The following FAM78B variants were observed in gnomAD, a reference collection of about 807,000 sequenced individuals.
The protein encoded by FAM78B is family with sequence similarity 78 member B, also known as protein FAM78B.
In FAM78B, 10 loss-of-function variants were observed where a neutral mutation model predicts 20.0. The observed-to-expected ratio is 0.50, with a 90% CI of 0.31 to 0.85. The LOEUF is 0.85. Among genes scored for constraint, FAM78B ranks in the 40% least tolerant of loss-of-function variants. The pLI, the probability that FAM78B is intolerant of heterozygous loss-of-function variation, is 0.05. For missense variants in FAM78B, 283 were observed against 345.0 expected, an observed-to-expected ratio of 0.82 and a Z score of 1.42; for synonymous variants, 135 against 132.8, an observed-to-expected ratio of 1.02 and a Z score of -0.12.
At chr1:166,129,164 A>G (rs963527854) in intron 1 of FAM78B, among the ~76,000 whole-genome samples, 1 of 152,190 alleles carries the variant, frequency 6.6e-6, no homozygotes, top group East Asian at 1.9e-4. Flanking sequence ...CAGTGCCCAG[A>G]GCCCCTGCTG....
chr1:166,121,017 T>A (rs1654448751), intron 1 of FAM78B, among the ~76,000 whole-genome samples: 1 of 152,238 alleles, frequency 6.6e-6, no homozygotes, highest in East Asian at 1.9e-4. Flanking sequence ...TTTCTTGATC[T>A]CATTCTTTAC....
At chr1:166,152,687 T>G (rs1482808911) in intron 1 of FAM78B, among the ~76,000 whole-genome samples, 2 of 149,686 alleles carry the variant, frequency 1.3e-5, no homozygotes, top group African/African-American at 5.0e-5. Flanking sequence ...TTTATTTATT[T>G]ATTTATTTAT....
chr1:166,076,365 C>T (rs1396385131), intron 1 of FAM78B, among the ~76,000 whole-genome samples: 1 of 152,130 alleles, frequency 6.6e-6, no homozygotes, highest in Non-Finnish European at 1.5e-5. Flanking sequence ...CACCTGAGGG[C>T]CTTTGCACTT....
At chr1:166,100,697 G>A (rs536346504) in intron 1 of FAM78B, among the ~76,000 whole-genome samples, 6 of 152,368 alleles carry the variant, frequency 3.9e-5, no homozygotes, top group Non-Finnish European at 7.3e-5. Flanking sequence ...CAGCTGGAAA[G>A]CTCGAACTGG....
At chr1:166,153,682 G>C (rs1186959189) in intron 1 of FAM78B, among the ~76,000 whole-genome samples, 1 of 152,110 alleles carries the variant, frequency 6.6e-6, no homozygotes, top group African/African-American at 2.4e-5. Context: ...CTATGTAAGG[G>C]GGAGGTGGAC....
chr1:166,108,267 C>A (rs1466562025), intron 1 of FAM78B, among the ~76,000 whole-genome samples: 1 of 152,084 alleles, frequency 6.6e-6, no homozygotes, highest in African/African-American at 2.4e-5. Context: ...CCAGAAAGCT[C>A]CTAGAACTGA....
intron 1 of FAM78B, among the ~76,000 whole-genome samples, chr1:166,125,718 C>G (rs1045153005): frequency 2.6e-5 from 4 of 152,118 alleles, no homozygotes; most frequent in African/African-American, 7.2e-5. Flanking sequence ...CTCCTGTATA[C>G]TCTCAATCAT....
rs1656388283 is a variant in FAM78B at position 166,166,411 on chromosome 1, CCCT to C, written c.-166_-164del. 1 of 522,404 alleles carries C rather than the reference CCCT, an allele frequency of 1.9e-6. No homozygotes were observed. The highest frequency in any genetic ancestry group is 2.1e-5 in the African/African-American group (1 of 48,346). The allele number at this position is 522,404 out of a possible 1,614,324, so 32.4% of individuals were successfully genotyped here. A position where few individuals can be genotyped will look rare whatever the true frequency, so the allele number is the denominator to read the frequency against. ...GCCGCCGGGCATCCTTGGGGAAGCCCCCTCCTCTTGCAGCCGCGCGGGGTCCCC... is the reference window on the plus strand; with the variant it reads ...GCCGCCGGGCATCCTTGGGGAAGCCCCCTCTTGCAGCCGCGCGGGGTCCCC... On this transcript the variant is annotated 5_prime_UTR_variant, in exon 1 of 2. Transcript: ENST00000354422.
intron 1 of FAM78B, among the ~76,000 whole-genome samples, chr1:166,100,472 G>A (rs1489781376): frequency 4.6e-5 from 7 of 152,188 alleles, no homozygotes; most frequent in Admixed American, 2.6e-4. Context: ...ATGGCACCTG[G>A]AAAATCGGGT....
At chr1:166,107,418 C>T (rs1653829401) in intron 1 of FAM78B, among the ~76,000 whole-genome samples, 1 of 151,958 alleles carries the variant, frequency 6.6e-6, no homozygotes, top group African/African-American at 2.4e-5. Flanking sequence ...AGAAAAATTC[C>T]TGGAAAAACA....
chr1:166,118,740 T>C (rs1654355836), intron 1 of FAM78B, among the ~76,000 whole-genome samples: 1 of 152,046 alleles, frequency 6.6e-6, no homozygotes, highest in Admixed American at 6.6e-5. Context: ...TAACCCTCCA[T>C]TATACAGATA....
intron 1 of FAM78B, among the ~76,000 whole-genome samples, chr1:166,087,828 G>A (rs557736296): frequency 6.6e-6 from 1 of 152,160 alleles, no homozygotes; most frequent in Non-Finnish European, 1.5e-5. Context: ...ATGTGGGCAG[G>A]GGGTGGGCAG....
intron 1 of FAM78B, among the ~76,000 whole-genome samples, chr1:166,110,741 G>C (rs1037376278): frequency 2.0e-5 from 3 of 152,204 alleles, no homozygotes; most frequent in Admixed American, 6.6e-5. Flanking sequence ...TAGAGACTCA[G>C]CTTGTGATAC....
At chr1:166,125,832 ATTTTT>A (rs34168180) in intron 1 of FAM78B, among the ~76,000 whole-genome samples, 2 of 128,802 alleles carry the variant, frequency 1.6e-5, no homozygotes, top group African/African-American at 6.0e-5. Context: ...GCTACTTTGA[ATTTTT>A]TTTTTTTTTT....
chr1:166,162,693 A>G (rs1481939435), intron 1 of FAM78B, among the ~76,000 whole-genome samples: 1 of 152,178 alleles, frequency 6.6e-6, no homozygotes, highest in Non-Finnish European at 1.5e-5. Context: ...CTGTCTGGTC[A>G]AGATCTGACT....
intron 1 of FAM78B, among the ~76,000 whole-genome samples, chr1:166,157,580 A>G (rs1442617072): frequency 5.3e-5 from 8 of 152,156 alleles, no homozygotes; most frequent in African/African-American, 1.9e-4. Context: ...GAAAAGGAAC[A>G]GTGCAGGAAT....
chr1:166,157,778 G>C (rs1281065416), intron 1 of FAM78B, among the ~76,000 whole-genome samples: 1 of 152,124 alleles, frequency 6.6e-6, no homozygotes, highest in Non-Finnish European at 1.5e-5. Flanking sequence ...TGTCTGCTGG[G>C]GCCCAGGGCT....
At chr1:166,117,350 TTC>T (rs1571177959) in intron 1 of FAM78B, among the ~76,000 whole-genome samples, 1 of 152,188 alleles carries the variant, frequency 6.6e-6, no homozygotes, top group East Asian at 1.9e-4. Context: ...AGCACACTTT[TTC>T]TCTTTTTTTC....
At chr1:166,087,642 G>A (rs1174812166) in intron 1 of FAM78B, among the ~76,000 whole-genome samples, 2 of 152,242 alleles carry the variant, frequency 1.3e-5, no homozygotes, top group Admixed American at 1.3e-4. Context: ...ATGGAGAGAA[G>A]TTAAGTAATG....
Sources: allele counts gnomAD v4.1 joint callset (sites outside exome capture counted in the v4.1 genomes callset), GRCh38; gene constraint gnomAD v4.1.1; transcripts MANE v1.5; gene names NCBI Gene and HGNC (gene_info 2026-07-23, HGNC 2026-07-21).